Variants in NR3C1 observed in about 807,000 individuals in gnomAD.
NR3C1 encodes glucocorticoid receptor.
In NR3C1, 14 loss-of-function variants were observed where a neutral mutation model predicts 74.0. The observed-to-expected ratio is 0.19, with a 90% confidence interval of 0.12 to 0.30. The LOEUF (loss-of-function observed/expected upper bound fraction) is 0.30. Ranked by LOEUF, NR3C1 falls within the 10% of genes least tolerant of loss-of-function variation. The probability of loss-of-function intolerance (pLI) is 1.00; values close to 1 mark genes in which losing one functional copy is unlikely to be tolerated. For missense variants in NR3C1, 695 were observed against 909.8 expected, an observed-to-expected ratio of 0.76 and a Z score of 3.04; for synonymous variants, 308 against 332.5, an observed-to-expected ratio of 0.93 and a Z score of 0.80.
chr5:143,294,314 A>G, intron 7 of NR3C1: 1 of 936,816 alleles, frequency 1.1e-6, no homozygotes, highest in Non-Finnish European at 1.3e-6. Flanking sequence ...TTCAGCTATT[A>G]ACTCAGTATT....
chr5:143,392,174 C>T (rs1838360735), intron 2 of NR3C1, among the ~76,000 whole-genome samples: 1 of 152,066 alleles, frequency 6.6e-6, no homozygotes, highest in Non-Finnish European at 1.5e-5. Flanking sequence ...ACCGTGTTAG[C>T]CAGGATGGTC....
chr5:143,381,632 C>T (rs765760652), intron 2 of NR3C1, among the ~76,000 whole-genome samples: 6 of 152,026 alleles, frequency 3.9e-5, no homozygotes, highest in Non-Finnish European at 7.4e-5. Flanking sequence ...AATTCATACA[C>T]CTACAGTGAA....
chr5:143,361,432 T>A (rs1832211291), intron 2 of NR3C1, among the ~76,000 whole-genome samples: 1 of 152,236 alleles, frequency 6.6e-6, no homozygotes, highest in Non-Finnish European at 1.5e-5. Flanking sequence ...ATAAGTGGCA[T>A]TCAAGGTAAT....
intron 8 of NR3C1, 61 bp from the exon 9 acceptor site, chr5:143,282,102 T>A (rs1813216907): frequency 6.3e-7 from 1 of 1,579,640 alleles, no homozygotes; most frequent in African/African-American, 1.3e-5. Context: ...ACATCTCATG[T>A]TTGTTGTCCT....
intron 2 of NR3C1, among the ~76,000 whole-genome samples, chr5:143,354,059 GCTT>G (rs1830679353): frequency 6.6e-6 from 1 of 152,160 alleles, no homozygotes; most frequent in African/African-American, 2.4e-5. Flanking sequence ...TACAGCGCTG[GCTT>G]CTTTCCCTAA....
chr5:143,379,876 T>C (rs925987795), intron 2 of NR3C1, among the ~76,000 whole-genome samples: 12 of 152,238 alleles, frequency 7.9e-5, no homozygotes, highest in African/African-American at 2.4e-4. Context: ...ACCTCATTTG[T>C]AGACTCATGA....
chr5:143,386,456 T>A (rs1036029079), intron 2 of NR3C1, among the ~76,000 whole-genome samples: 2 of 152,212 alleles, frequency 1.3e-5, no homozygotes, highest in Non-Finnish European at 2.9e-5. Flanking sequence ...CCTGGAAGGA[T>A]GTTCAGGGTG....
At chr5:143,382,019 C>T (rs1263943764) in intron 2 of NR3C1, among the ~76,000 whole-genome samples, 1 of 152,114 alleles carries the variant, frequency 6.6e-6, no homozygotes, top group Admixed American at 6.5e-5. Context: ...AGCTACCCAT[C>T]TGAGAAGGGA....
At chr5:143,402,059 G>T (rs1378337710) in intron 1 of NR3C1, among the ~76,000 whole-genome samples, 1 of 152,156 alleles carries the variant, frequency 6.6e-6, no homozygotes, top group Non-Finnish European at 1.5e-5. Flanking sequence ...AAATGTCACT[G>T]GCCCTCACTG....
intron 2 of NR3C1, among the ~76,000 whole-genome samples, chr5:143,389,029 T>C (rs995378576): frequency 1.3e-5 from 2 of 152,216 alleles, no homozygotes; most frequent in African/African-American, 4.8e-5. Flanking sequence ...GTTGCCCCTT[T>C]TCTTATTCCA....
intron 2 of NR3C1, among the ~76,000 whole-genome samples, chr5:143,326,460 T>C (rs1824622414): frequency 6.6e-6 from 1 of 152,200 alleles, no homozygotes; most frequent in Non-Finnish European, 1.5e-5. Flanking sequence ...TAAATGAACA[T>C]ATTGGCATTC....
At chr5:143,394,214 A>C (rs2151924150) in intron 2 of NR3C1, among the ~76,000 whole-genome samples, 1 of 152,212 alleles carries the variant, frequency 6.6e-6, no homozygotes. Flanking sequence ...AGCATGTTTA[A>C]GCATGCAGCT....
chr5:143,309,989 C>T, intron 4 of NR3C1, 108 bp downstream of exon 4: 1 of 848,722 alleles, frequency 1.2e-6, no homozygotes, highest in Non-Finnish European at 2.0e-6. Flanking sequence ...CATATATATA[C>T]TGAACTGACT....
chr5:143,370,882 G>A (rs563241465), intron 2 of NR3C1, among the ~76,000 whole-genome samples: 7 of 152,156 alleles, frequency 4.6e-5, no homozygotes, highest in Middle Eastern at 3.2e-3. Context: ...TGGAAGCTTC[G>A]CATCTGAGAG....
intron 7 of NR3C1, among the ~76,000 whole-genome samples, chr5:143,283,998 G>A (rs1813716384): frequency 6.6e-6 from 1 of 152,168 alleles, no homozygotes; most frequent in Non-Finnish European, 1.5e-5. Context: ...TTCCCAAACT[G>A]AAACTTCACT....
At chr5:143,378,559 T>C (rs1360981884) in intron 2 of NR3C1, among the ~76,000 whole-genome samples, 3 of 152,186 alleles carry the variant, frequency 2.0e-5, no homozygotes. Flanking sequence ...TTGAGAACAC[T>C]TACCTGGTAC....
chr5:143,417,356 T>C (rs1412740606), intron 1 of NR3C1, among the ~76,000 whole-genome samples: 2 of 152,130 alleles, frequency 1.3e-5, no homozygotes, highest in African/African-American at 4.8e-5. Context: ...CTCTCATCAG[T>C]GGCAGGGGAA....
rs945188247 is a variant in NR3C1, at chr5:143,279,517, G to A, written c.*2372C>T. The A allele has an allele frequency of 1.9e-5, 22 of 1,150,564 alleles. No homozygotes were observed. The African/African-American group carries it at 3.6e-4, about 19-fold the overall frequency. 71.3% of individuals were successfully genotyped at this position (1,150,564 alleles called of 1,614,324 possible). On this transcript the variant is annotated 3_prime_UTR_variant, in exon 9 of 9. Transcript: ENST00000394464. ...TTCTTAGGCACCAAAAATTTATCCA[G>A]CCGGGTTACACACCATCTTAAAATA... is the stretch of plus-strand genomic sequence containing the variant.
At chr5:143,305,417 T>A (rs1212657150) in intron 4 of NR3C1, among the ~76,000 whole-genome samples, 1 of 152,082 alleles carries the variant, frequency 6.6e-6, no homozygotes, top group East Asian at 1.9e-4. Context: ...GAAAAATAAA[T>A]CATTCTATCA....
Sources: gnomAD v4.1 joint callset for allele counts (sites outside exome capture counted in the v4.1 genomes callset) on GRCh38, gnomAD v4.1.1 for gene constraint, MANE v1.5 for transcripts, NCBI Gene and HGNC (gene_info 2026-07-23, HGNC 2026-07-21) for gene names.